PALM: variants seen among roughly 807,000 people sequenced by gnomAD.
The protein encoded by PALM is paralemmin-1.
Under a neutral mutation model 30.7 loss-of-function variants are expected in PALM, and 18 were observed. The observed-to-expected ratio is 0.59, with a 90% CI of 0.41 to 0.87. The LOEUF (loss-of-function observed/expected upper bound fraction) is 0.87. PALM is among the 40% of genes least tolerant of loss of function. The probability of loss-of-function intolerance (pLI) is 0.00; values close to 1 mark genes in which losing one functional copy is unlikely to be tolerated. For missense variants in PALM, 529 were observed against 555.4 expected (o/e 0.95, Z 0.48); for synonymous variants, 286 against 242.8 (o/e 1.18, Z -1.66).
rs753349101 is a variant in PALM at position 747,254 on chromosome 19, G to A, written c.*440G>A. ...AGAGGGCCCCGGGAGCCGGGGGTGG[G>A]TACTGAGGCCTGCTCAGGCCCTGGA... On this transcript the variant is annotated 3_prime_UTR_variant, in exon 9 of 9. Transcript: ENST00000338448. 1 of 175,732 alleles carries A rather than the reference G, an allele frequency of 5.7e-6. No homozygotes were observed. Among genetic ancestry groups the A allele is most frequent in the Non-Finnish European group, 1.2e-5 (1 of 83,618 alleles). 10.9% of individuals were successfully genotyped at this position (175,732 alleles called of 1,614,324 possible). A position where few individuals can be genotyped will look rare whatever the true frequency, so the allele number is the denominator to read the frequency against.
At chr19:720,012 C>G (rs1045474282) in intron 1 of PALM, among the ~76,000 whole-genome samples, 1 of 152,082 alleles carries the variant, frequency 6.6e-6, no homozygotes. Context: ...CCACACCCCT[C>G]CCGGATGGAA....
At chr19:737,579 T>C (rs2033060210) in intron 7 of PALM, among the ~76,000 whole-genome samples, 1 of 151,874 alleles carries the variant, frequency 6.6e-6, no homozygotes, top group African/African-American at 2.4e-5. Flanking sequence ...GCGTTCAACG[T>C]AAGAGGTGAC....
Position 726,204 on chromosome 19 carries a change from C to A in PALM, c.57+15C>A. ...AGGCCATCGCAGTGAGTTTCCGCCG[C>A]CCCGCAGACGGTGTGGTCAGGGTGG... On this transcript the variant is annotated intron_variant, in intron 2 of 8. Coordinates refer to ENST00000338448, the MANE Select transcript of PALM (RefSeq NM_002579.3). 6.2e-7 allele frequency: 1 copy of A among 1,611,624 alleles called. No homozygotes were observed. The highest frequency in any genetic ancestry group is 1.1e-5 in the South Asian group (1 of 91,020).
chr19:728,883 A>T (rs953466287), intron 4 of PALM, among the ~76,000 whole-genome samples: 4 of 152,170 alleles, frequency 2.6e-5, no homozygotes, highest in African/African-American at 9.7e-5. Flanking sequence ...GGGCACCTGT[A>T]GTCCCAGCTA....
At chr19:737,918 G>A (rs375770829) in intron 7 of PALM, among the ~76,000 whole-genome samples, 1 of 152,168 alleles carries the variant, frequency 6.6e-6, no homozygotes, top group Non-Finnish European at 1.5e-5. Flanking sequence ...GGACTGCCCC[G>A]ACTCCGTGCT....
intron 8 of PALM, among the ~76,000 whole-genome samples, chr19:741,163 G>T (rs2033174954): frequency 6.6e-6 from 1 of 151,872 alleles, no homozygotes. Context: ...TAATAATAAA[G>T]AATTGCTAGC....
In PALM at chr19:731,143, CACT is replaced by C; in HGVS notation, c.319_321del (p.Thr107del). 6.2e-7 allele frequency: 1 copy of C among 1,607,492 alleles called. No individual in the cohort carries two copies. The highest frequency in any genetic ancestry group is 8.5e-7 in the Non-Finnish European group (1 of 1,177,508). On this transcript the variant is annotated inframe_deletion, in exon 5 of 9. Coordinates refer to ENST00000338448, the MANE Select transcript of PALM (RefSeq NM_002579.3). ...TGGAGCGTGGAGACTCCGCCCCAGC[CACT>C]GCCAAGGAGAACGCGGCGGCCCCGA...
intron 8 of PALM, among the ~76,000 whole-genome samples, chr19:745,189 A>G (rs569485629): frequency 5.1e-4 from 78 of 152,088 alleles, no homozygotes; most frequent in Non-Finnish European, 7.2e-4. Context: ...TCAAAAAGTG[A>G]AAGAATCCCT....
intron 4 of PALM, chr19:727,996 C>G (rs1193286555): frequency 2.8e-5 from 6 of 211,618 alleles, no homozygotes; most frequent in Admixed American, 1.5e-4. Flanking sequence ...GCGTCGAGCT[C>G]CTGGGTCCCT....
At chr19:711,331 G>GAATGGCTGCTC in intron 1 of PALM, 1 of 314,186 alleles carries the variant, frequency 3.2e-6, no homozygotes, top group Non-Finnish European at 4.6e-6. Flanking sequence ...TTGGCCTGGA[G>GAATGGCTGCTC]CAGCCATTCT....
chr19:719,241 T>G lies in PALM; in HGVS notation c.6-6897T>G, dbSNP rs570594110. 149 of 985,420 alleles carry G rather than the reference T, an allele frequency of 1.5e-4. No individual in the cohort carries two copies. In the African/African-American group the frequency reaches 2.5e-3, roughly 17 times the overall value. The allele number at this position is 985,420 out of a possible 1,614,324, so 61.0% of individuals were successfully genotyped here. On this transcript the variant is annotated intron_variant, in intron 1 of 8. Coordinates refer to ENST00000338448, the MANE Select transcript of PALM (RefSeq NM_002579.3). ...CTCGGACAGGGCCCGCCCTGCTCGC[T>G]GGGTGACCTTGGCCGTTGCGTAACC...
At chr19:726,912 G>A (rs2032681920) in intron 2 of PALM, 96 bp from the exon 3 acceptor site, 2 of 774,754 alleles carry the variant, frequency 2.6e-6, no homozygotes, top group Non-Finnish European at 4.3e-6. Flanking sequence ...CCCGGACAGA[G>A]GAAGCAGGAT....
At position 741,825 on chromosome 19, in the gene PALM, C is replaced by G. The variant is rs59630379; in HGVS notation, c.634+1342C>G. Among the ~76,000 whole-genome samples the G allele has an allele frequency of 0.03, 4,534 of 152,108 alleles. 380 individuals are homozygous for G. The East Asian group carries it at 0.34, about 11-fold the overall frequency. On this transcript the variant is annotated intron_variant, in intron 8 of 8. Transcript: ENST00000338448. ...AGGGAAGCTCCACACTGAAGCCCCA[C>G]TCTCTCTCTTTCTTTTTCTTTTTAT...
intron 7 of PALM, 71 bp downstream of exon 7, chr19:736,149 C>CGGGGGGGGCG: frequency 2.0e-6 from 1 of 494,732 alleles, no homozygotes. Flanking sequence ...TCCGGGGGGC[C>CGGGGGGGGCG]GGGTGGGGCG....
chr19:719,680 C>G, intron 1 of PALM: 2 of 948,812 alleles, frequency 2.1e-6, no homozygotes, highest in Non-Finnish European at 1.3e-6. Context: ...GTGATCCGAC[C>G]TCCGCTTCCT....
chr19:733,915 G>A (rs2032944211), intron 5 of PALM, among the ~76,000 whole-genome samples: 1 of 152,174 alleles, frequency 6.6e-6, no homozygotes, highest in East Asian at 1.9e-4. Context: ...GAACCCAGGA[G>A]GCGGAAGTTG....
At chr19:710,657 C>T (rs372701917) in intron 1 of PALM, among the ~76,000 whole-genome samples, 17 of 92,990 alleles carry the variant, frequency 1.8e-4, no homozygotes, top group Admixed American at 4.3e-4. Flanking sequence ...TGCTGCCCCC[C>T]CCCCACCCCC....
chr19:710,969 C>G lies in PALM; in HGVS notation c.5+1818C>G, dbSNP rs114047596. ...CGGCGGGCTTCAGGCACGAAGGCCC[C>G]GTCCGCTAGAACGTGATCGCTTGCC... On this transcript the variant is annotated intron_variant, in intron 1 of 8. Transcript: ENST00000338448. 8.7e-3 allele frequency among the ~76,000 whole-genome samples: 1,319 copies of G among 152,364 alleles called. 19 individuals carry two copies. Among genetic ancestry groups the G allele is most frequent in the African/African-American group, 0.03 (1,263 of 41,594 alleles).
intron 6 of PALM, 98 bp from the exon 7 acceptor site, chr19:735,921 C>G (rs895713474): frequency 9.2e-6 from 9 of 982,208 alleles, no homozygotes; most frequent in Non-Finnish European, 1.4e-5. Context: ...TGTGGGAGTC[C>G]GGATGCACTT....
Sources: gnomAD v4.1 joint callset for allele counts (sites outside exome capture counted in the v4.1 genomes callset) on GRCh38, gnomAD v4.1.1 for gene constraint, MANE v1.5 for transcripts, NCBI Gene and HGNC (gene_info 2026-07-23, HGNC 2026-07-21) for gene names.